Variants in IL11 observed in about 807,000 individuals in gnomAD.
IL11 encodes the protein interleukin 11.
IL11 carries 17 observed loss-of-function variants against 18.1 expected under a neutral mutation model. That is an observed-to-expected ratio of 0.94 (90% CI 0.64 to 1.41). The LOEUF is 1.41. Ranked by LOEUF, IL11 falls within the 40% of genes most tolerant of loss-of-function variation. The pLI is 0.00. For synonymous variants in IL11, 144 were observed against 134.1 expected (o/e 1.07, Z -0.51); for missense variants, 309 against 262.8 (o/e 1.18, Z -1.22).
In IL11 at chr19:55,366,218, C is replaced by A; in HGVS notation, c.430-41G>T. The stretch of plus-strand genomic sequence containing the variant: ...AGAGGTGAGTCACAGGTAGGGGGTG[C>A]AGCGGGGGTGCAGGGCAGGGGTGCT... On this transcript the variant is annotated intron_variant, in intron 4 of 4. Transcript: ENST00000264563. This position sits in a 1 kb window ranked among gnomAD's most constrained non-coding sequence, Gnocchi z 4.6. 1 of 1,444,562 alleles carries A rather than the reference C, an allele frequency of 6.9e-7. No individual in the cohort carries two copies. The highest frequency in any genetic ancestry group is 1.5e-5 in the South Asian group (1 of 68,250). 89.5% of individuals were successfully genotyped at this position (1,444,562 alleles called of 1,614,324 possible).
rs1243616073 is a variant in IL11, at chr19:55,370,428, G to C, written c.-118C>G. 4.2e-6 allele frequency: 3 copies of C among 716,026 alleles called. No homozygotes were observed. Among genetic ancestry groups the C allele is most frequent in the Non-Finnish European group, 6.3e-6 (3 of 476,824 alleles). The allele number at this position is 716,026 out of a possible 1,614,324, so 44.4% of individuals were successfully genotyped here. On this transcript the variant is annotated 5_prime_UTR_variant, in exon 1 of 5. Transcript: ENST00000264563. ...TCAGCTGGGCCGCGGCCTGGGGAGG[G>C]GAGGCATGTGCCCTGAGCAGCAGGG... is the stretch of plus-strand genomic sequence containing the variant.
In IL11 at chr19:55,366,040, C is replaced by T. The variant is rs1312003256; in HGVS notation, c.567G>A (p.Val189=). The change falls in exon 5 of 5, where the codon GTG becomes GTA. Residue 189 remains valine (V), a synonymous_variant. Transcript: ENST00000264563. The surrounding 1 kb of genome is among the most constrained non-coding windows in gnomAD (Gnocchi z 4.6). ...GAGTCTTCAGCAGCAGCAGTCCCCT[C>T]ACGGCCCAGTCAAGTGTCAGGTGCA... ...GGLHLTLDWA[V]RGLLLLKTRL The T allele has an allele frequency of 1.2e-6, 2 of 1,604,062 alleles. No individual in the cohort carries two copies. Among genetic ancestry groups the T allele is most frequent in the Non-Finnish European group, 1.7e-6 (2 of 1,176,456 alleles).
rs2089789040 is a variant in IL11, at chr19:55,366,824, T to A, written c.430-647A>T. Reference sequence around the variant, plus strand: ...GCGAGACTCTGTCTCCAAAAAATAATAATAATAATAATAATTAAGAAACAG... The same window carrying A: ...GCGAGACTCTGTCTCCAAAAAATAAAAATAATAATAATAATTAAGAAACAG... On this transcript the variant is annotated intron_variant, in intron 4 of 4. Coordinates refer to ENST00000264563, the MANE Select transcript of IL11 (RefSeq NM_000641.4). This position sits in a 1 kb window ranked among gnomAD's most constrained non-coding sequence, Gnocchi z 4.6. Among the ~76,000 whole-genome samples the A allele has an allele frequency of 1.3e-5, 2 of 151,944 alleles. No homozygotes were observed. The highest frequency in any genetic ancestry group is 4.8e-5 in the African/African-American group (2 of 41,374).
In IL11 at chr19:55,368,862, AG is replaced by A; in HGVS notation, c.86del (p.Pro29LeufsTer17). 6.3e-7 allele frequency: 1 copy of A among 1,578,178 alleles called. No homozygotes were observed. Among genetic ancestry groups the A allele is most frequent in the Non-Finnish European group, 8.6e-7 (1 of 1,162,002 alleles). On this transcript the variant is annotated frameshift_variant, in exon 2 of 5. Coordinates refer to ENST00000264563, the MANE Select transcript of IL11 (RefSeq NM_000641.4). LOFTEE classifies it high-confidence loss of function. ...CGGCCCGAGGGTCTGGGGAAACTCG[AG>A]GGGGGCCAGGTGGTGGCCCAGGGGC... The part of the protein sequence containing the change: ...AVAPGPPPGP[P>X]RVSPDPRAEL...
In IL11 at chr19:55,366,455, ACTGTTAGAGTCGCCGGGG is replaced by A. The variant is rs2089786775; in HGVS notation, c.430-296_430-279del. The stretch of plus-strand genomic sequence containing the variant: ...TTCTAGGTGAGGGATCGGGCCTGGG[ACTGTTAGAGTCGCCGGGG>A]CTGGAATCTCAGAGCTGGGTTTTTG... On this transcript the variant is annotated intron_variant, in intron 4 of 4. Coordinates refer to ENST00000264563, the MANE Select transcript of IL11 (RefSeq NM_000641.4). The surrounding 1 kb of genome is among the most constrained non-coding windows in gnomAD (Gnocchi z 4.6). Among the ~76,000 whole-genome samples, 1 of 151,598 alleles carries A rather than the reference ACTGTTAGAGTCGCCGGGG, an allele frequency of 6.6e-6. No individual in the cohort carries two copies. Among genetic ancestry groups the A allele is most frequent in the African/African-American group, 2.4e-5 (1 of 41,212 alleles).
chr19:55,370,060 C>A (rs2089813020), intron 1 of IL11, among the ~76,000 whole-genome samples: 5 of 152,148 alleles, frequency 3.3e-5, no homozygotes. Flanking sequence ...CGCTCCCTCT[C>A]GGGGCCCTGT....
Position 55,370,412 on chromosome 19 carries a change from C to G in IL11, c.-102G>C. The G allele has an allele frequency of 8.0e-6, 8 of 1,002,694 alleles. No homozygotes were observed. Among genetic ancestry groups the G allele is most frequent in the Non-Finnish European group, 1.1e-5 (8 of 745,228 alleles). The allele number at this position is 1,002,694 out of a possible 1,614,324, so 62.1% of individuals were successfully genotyped here. A position where few individuals can be genotyped will look rare whatever the true frequency, so the allele number is the denominator to read the frequency against. Reference sequence around the variant, plus strand: ...GGGGGAGCCCCGAGGGTCAGCTGGGCCGCGGCCTGGGGAGGGGAGGCATGT... The same window carrying G: ...GGGGGAGCCCCGAGGGTCAGCTGGGGCGCGGCCTGGGGAGGGGAGGCATGT... On this transcript the variant is annotated 5_prime_UTR_variant, in exon 1 of 5. Coordinates refer to ENST00000264563, the MANE Select transcript of IL11 (RefSeq NM_000641.4).
Position 55,366,117 on chromosome 19 carries a change from G to C in IL11, c.490C>G (p.Pro164Ala). Residue 164 changes from proline to alanine, a missense_variant, in exon 5 of 5, where the codon CCC becomes GCC. By Grantham distance (27) the Pro-to-Ala change is conservative (BLOSUM62 -1). Coordinates refer to ENST00000264563, the MANE Select transcript of IL11 (RefSeq NM_000641.4). This position sits in a 1 kb window ranked among gnomAD's most constrained non-coding sequence, Gnocchi z 4.6. ...CTGATGCCCCCCCAGGCTGAGGAGG[G>C]GGGCGCCAGCGGGGGCGCCGGCGGG... ...PDPPAPPLAP[P>A]SSAWGGIRAA... 6.5e-7 allele frequency: 1 copy of C among 1,548,642 alleles called. No homozygotes were observed. Among genetic ancestry groups the C allele is most frequent in the Non-Finnish European group, 8.7e-7 (1 of 1,149,202 alleles).
At chr19:55,368,680 C>T in intron 2 of IL11, 89 bp downstream of exon 2, 1 of 1,495,500 alleles carries the variant, frequency 6.7e-7, no homozygotes, top group Non-Finnish European at 9.0e-7. Context: ...CCTGAGAGCC[C>T]AGAACCCCTC....
rs1306962489 is a variant in IL11, at chr19:55,366,142, G to T, written c.465C>A (p.Asp155Glu). The change falls in exon 5 of 5, where the codon GAC (aspartate) becomes GAA (glutamate). Residue 155 changes from aspartate (D) to glutamate (E), a missense_variant. Transcript: ENST00000264563. This position sits in a 1 kb window ranked among gnomAD's most constrained non-coding sequence, Gnocchi z 4.6. Reference sequence around the variant, plus strand: ...GGGGCGCCAGCGGGGGCGCCGGCGGGTCCGGGGGTGGCTGGGGCAGGGCCA... The same window carrying T: ...GGGGCGCCAGCGGGGGCGCCGGCGGTTCCGGGGGTGGCTGGGGCAGGGCCA... The part of the protein sequence containing the change: ...SRLALPQPPP[D>E]PPAPPLAPPS... 15 of 1,510,322 alleles carry T rather than the reference G, an allele frequency of 9.9e-6. No homozygotes were observed. Among genetic ancestry groups the T allele is most frequent in the Non-Finnish European group, 1.2e-5 (14 of 1,123,636 alleles). The allele number at this position is 1,510,322 out of a possible 1,614,324, so 93.6% of individuals were successfully genotyped here.
rs2089781705 is a variant in IL11, at chr19:55,365,862, G to T, written c.*145C>A. 3 of 1,271,794 alleles carry T rather than the reference G, an allele frequency of 2.4e-6. No homozygotes were observed. Among genetic ancestry groups the T allele is most frequent in the Non-Finnish European group, 3.2e-6 (3 of 925,208 alleles). 78.8% of individuals were successfully genotyped at this position (1,271,794 alleles called of 1,614,324 possible). A position where few individuals can be genotyped will look rare whatever the true frequency, so the allele number is the denominator to read the frequency against. ...AAATAAGTATAAATAAGGCACAGAT[G>T]CCCCCCAGGCCTCACGGAAGGACTG... On this transcript the variant is annotated 3_prime_UTR_variant, in exon 5 of 5. Coordinates refer to ENST00000264563, the MANE Select transcript of IL11 (RefSeq NM_000641.4).
chr19:55,368,556 G>A lies in IL11; in HGVS notation c.194C>T (p.Pro65Leu). 1 of 1,612,092 alleles carries A rather than the reference G, an allele frequency of 6.2e-7. No individual in the cohort carries two copies. Among genetic ancestry groups the A allele is most frequent in the South Asian group, 1.1e-5 (1 of 90,554 alleles). ...QLAAQLRDKF[P>L]ADGDHNLDSL... The stretch of plus-strand genomic sequence containing the variant: ...ATCCAGGTTGTGGTCCCCGTCAGCT[G>A]GGAATTTGTCCCTCTGGCAGGGAAA... Residue 65 changes from proline (P) to leucine (L), a missense_variant, in exon 3 of 5, where the codon CCA becomes CTA. Coordinates refer to ENST00000264563, the MANE Select transcript of IL11 (RefSeq NM_000641.4).
chr19:55,370,178 C>G (rs958138081), intron 1 of IL11, 126 bp downstream of exon 1: 4 of 736,662 alleles, frequency 5.4e-6, no homozygotes, highest in Non-Finnish European at 7.2e-6. Context: ...AAGCTGCTCT[C>G]CTCCCCGGCT....
intron 1 of IL11, 82 bp downstream of exon 1, chr19:55,370,222 C>G (rs2089814037): frequency 9.4e-7 from 1 of 1,064,608 alleles, no homozygotes; most frequent in African/African-American, 1.6e-5. Context: ...TGCGACTCAG[C>G]GGGGTCTGCT....
chr19:55,368,679 C>A, intron 2 of IL11, 90 bp downstream of exon 2: 1 of 1,494,996 alleles, frequency 6.7e-7, no homozygotes, highest in Non-Finnish European at 9.1e-7. Context: ...ACCTGAGAGC[C>A]CAGAACCCCT....
In IL11 at chr19:55,369,544, G is replaced by C. The variant is rs1458902465; in HGVS notation, c.8-603C>G. ...CCCGCCGGGTGGGCGGCAGAAGCCCGGGCCGCAGCGCACCTGGGCGGAGAG... is the reference window on the plus strand; with the variant it reads ...CCCGCCGGGTGGGCGGCAGAAGCCCCGGCCGCAGCGCACCTGGGCGGAGAG... On this transcript the variant is annotated intron_variant, in intron 1 of 4. Coordinates refer to ENST00000264563, the MANE Select transcript of IL11 (RefSeq NM_000641.4). This position sits in a 1 kb window ranked among gnomAD's most constrained non-coding sequence, Gnocchi z 6.1. Among the ~76,000 whole-genome samples the C allele has an allele frequency of 6.6e-6, 1 of 151,486 alleles. No individual in the cohort carries two copies.
Position 55,366,818 on chromosome 19 carries a change from A to T in IL11, c.430-641T>A, listed in dbSNP as rs182567129. Among the ~76,000 whole-genome samples the T allele has an allele frequency of 1.4e-4, 21 of 151,956 alleles. No homozygotes were observed. The East Asian group carries it at 3.7e-3, about 27-fold the overall frequency. On this transcript the variant is annotated intron_variant, in intron 4 of 4. Coordinates refer to ENST00000264563, the MANE Select transcript of IL11 (RefSeq NM_000641.4). This position sits in a 1 kb window ranked among gnomAD's most constrained non-coding sequence, Gnocchi z 4.6. ...CAGAGCGCGAGACTCTGTCTCCAAAAAATAATAATAATAATAATAATTAAG... is the reference window on the plus strand; with the variant it reads ...CAGAGCGCGAGACTCTGTCTCCAAATAATAATAATAATAATAATAATTAAG...
In IL11 at chr19:55,368,213, G is replaced by T; in HGVS notation, c.426C>A (p.Leu142=). ...AGGTCTTGGGGCCAGGACATACCAG[G>T]AGCTGCAGCCGGCGCAGCAGCCGGT... is the stretch of plus-strand genomic sequence containing the variant. ...RLDRLLRRLQ[L]LMSRLALPQP... is the part of the protein sequence containing the mutation. Residue 142 remains leucine, a synonymous_variant, in exon 4 of 5, where the codon CTC becomes CTA. Transcript: ENST00000264563. 6.5e-7 allele frequency: 1 copy of T among 1,531,070 alleles called. No homozygotes were observed. 94.8% of individuals were successfully genotyped at this position (1,531,070 alleles called of 1,614,324 possible).
chr19:55,367,712 G>A (rs941947077), intron 4 of IL11, among the ~76,000 whole-genome samples: 4 of 151,612 alleles, frequency 2.6e-5, no homozygotes, highest in Non-Finnish European at 4.4e-5. Context: ...CACTTGCCTC[G>A]GCCTCCCAAA....
Sources: allele counts gnomAD v4.1 joint callset (sites outside exome capture counted in the v4.1 genomes callset), GRCh38; gene constraint gnomAD v4.1.1; non-coding constraint Gnocchi (gnomAD v3.1); transcripts MANE v1.5; gene names NCBI Gene and HGNC (gene_info 2026-07-23, HGNC 2026-07-21).